The following GLRA3 variants were observed in gnomAD, a reference collection of about 807,000 sequenced individuals.
GLRA3 encodes the protein glycine receptor subunit alpha-3.
In GLRA3, 44 loss-of-function variants were observed where a neutral mutation model predicts 60.4. That is an observed-to-expected ratio of 0.73 (90% CI 0.57 to 0.94). The LOEUF (loss-of-function observed/expected upper bound fraction) is 0.94, where lower values mean the gene tolerates loss of function less well. Among genes scored for constraint, GLRA3 ranks in the 40% least tolerant of loss-of-function variants. GLRA3 has a pLI of 0.00. For synonymous variants in GLRA3, 223 were observed against 192.9 expected (o/e 1.16, Z -1.29); for missense variants, 508 against 564.6 (o/e 0.90, Z 1.02).
chr4:174,772,990 T>G (rs1031828236), intron 2 of GLRA3, among the ~76,000 whole-genome samples: 1 of 152,156 alleles, frequency 6.6e-6, no homozygotes, highest in Non-Finnish European at 1.5e-5. Context: ...GCAGCAATCT[T>G]GGAGTAGTCT....
chr4:174,701,210 A>C (rs908489073), intron 5 of GLRA3, among the ~76,000 whole-genome samples: 1 of 152,176 alleles, frequency 6.6e-6, no homozygotes, highest in Non-Finnish European at 1.5e-5. Context: ...AGTTGAAGCC[A>C]GTACTCATTC....
At chr4:174,808,384 C>T (rs1740131801) in intron 1 of GLRA3, among the ~76,000 whole-genome samples, 1 of 152,162 alleles carries the variant, frequency 6.6e-6, no homozygotes, top group South Asian at 2.1e-4. Context: ...CAATAGATTA[C>T]TCATGTGCTT....
At chr4:174,668,646 G>T (rs1733775691) in intron 7 of GLRA3, among the ~76,000 whole-genome samples, 1 of 152,104 alleles carries the variant, frequency 6.6e-6, no homozygotes, top group African/African-American at 2.4e-5. Context: ...AAATTTAAAT[G>T]TATTTATAAA....
At chr4:174,818,645 G>C (rs1454813195) in intron 1 of GLRA3, among the ~76,000 whole-genome samples, 1 of 152,136 alleles carries the variant, frequency 6.6e-6, no homozygotes, top group African/African-American at 2.4e-5. Flanking sequence ...CTTTTCAACT[G>C]TTTTAAGGTC....
At chr4:174,802,543 C>T (rs983331102) in intron 1 of GLRA3, among the ~76,000 whole-genome samples, 5 of 151,916 alleles carry the variant, frequency 3.3e-5, no homozygotes, top group East Asian at 1.9e-4. Context: ...TTATATAGAC[C>T]TCCAATTTTA....
intron 7 of GLRA3, among the ~76,000 whole-genome samples, chr4:174,662,844 T>C (rs925327315): frequency 1.3e-5 from 2 of 151,438 alleles, no homozygotes; most frequent in Non-Finnish European, 2.9e-5. Flanking sequence ...TTTCTTTTTT[T>C]TTTTTTCCTG....
At position 174,659,147 on chromosome 4, in the gene GLRA3, A is replaced by G; in HGVS notation, c.978T>C (p.Phe326=). ...CATACTCCAGAAGTGCTGAAAACAC[A>G]AAAAGGAGGCATACTGCCATCCAAA... ...IDIWMAVCLL[F]VFSALLEYAA... The change falls in exon 8 of 10, where the codon TTT becomes TTC. Residue 326 remains phenylalanine (F), a synonymous_variant. Coordinates refer to ENST00000274093, the MANE Select transcript of GLRA3 (RefSeq NM_006529.4). 6.2e-7 allele frequency: 1 copy of G among 1,611,670 alleles called. No homozygotes were observed.
At chr4:174,789,983 G>A (rs1739260954) in intron 1 of GLRA3, among the ~76,000 whole-genome samples, 1 of 152,148 alleles carries the variant, frequency 6.6e-6, no homozygotes, top group Non-Finnish European at 1.5e-5. Flanking sequence ...GAATTTTAGT[G>A]AGAAGTACAA....
chr4:174,767,011 T>G lies in GLRA3; in HGVS notation c.219A>C (p.Thr73=). ...CAAAGCTGTTGATGAATATGTTGCA[T>G]GTGACATTAACTGGAGGGCCTGAAA... ...PNFKGPPVNV[T]CNIFINSFGS... is the part of the protein sequence containing the mutation. Residue 73 remains threonine, a synonymous_variant, in exon 3 of 10, where the codon ACA becomes ACC. Coordinates refer to ENST00000274093, the MANE Select transcript of GLRA3 (RefSeq NM_006529.4). 6.2e-7 allele frequency: 1 copy of G among 1,600,446 alleles called. No individual in the cohort carries two copies. The highest frequency in any genetic ancestry group is 8.6e-7 in the Non-Finnish European group (1 of 1,168,398).
At chr4:174,737,739 T>C in intron 3 of GLRA3, among the ~76,000 whole-genome samples, 1 of 152,210 alleles carries the variant, frequency 6.6e-6, no homozygotes. Context: ...CTCGAACTCC[T>C]GACCTCATCA....
At chr4:174,799,708 T>C (rs1224080165) in intron 1 of GLRA3, among the ~76,000 whole-genome samples, 1 of 152,208 alleles carries the variant, frequency 6.6e-6, no homozygotes, top group Middle Eastern at 3.2e-3. Flanking sequence ...AATGCAATAC[T>C]AACCCCAGGT....
chr4:174,700,851 A>T (rs10004534), intron 5 of GLRA3, among the ~76,000 whole-genome samples: 27,165 of 152,148 alleles, frequency 0.18, 2,615 homozygotes, highest in East Asian at 0.33. Context: ...ACTCATCCAT[A>T]TTATGAAATC....
Position 174,643,197 on chromosome 4 carries a change from A to G in GLRA3, c.*589T>C. ...AGAGGAAAACTTAATATTCTAAACA[A>G]TTAAATTTAGTATTCCAAATCATTA... On this transcript the variant is annotated 3_prime_UTR_variant, in exon 10 of 10. Transcript: ENST00000274093. 3 of 797,384 alleles carry G rather than the reference A, an allele frequency of 3.8e-6. No individual in the cohort carries two copies. Among genetic ancestry groups the G allele is most frequent in the Non-Finnish European group, 4.5e-6 (3 of 659,346 alleles). The allele number at this position is 797,384 out of a possible 1,614,324, so 49.4% of individuals were successfully genotyped here.
rs181593623 is a variant in GLRA3 at position 174,677,344 on chromosome 4, C to T, written c.713-52G>A. 9.7e-5 allele frequency: 98 copies of T among 1,014,964 alleles called. No individual in the cohort carries two copies. The East Asian group carries it at 1.5e-3, about 16-fold the overall frequency. 62.9% of individuals were successfully genotyped at this position (1,014,964 alleles called of 1,614,324 possible). A position where few individuals can be genotyped will look rare whatever the true frequency, so the allele number is the denominator to read the frequency against. On this transcript the variant is annotated intron_variant, in intron 6 of 9. Coordinates refer to ENST00000274093, the MANE Select transcript of GLRA3 (RefSeq NM_006529.4). ...AATTAGTACAAATAGGTCTTTGTTA[C>T]GGCATCAAATATCACAATTTCTCTT...
At chr4:174,691,661 C>T (rs561596452) in intron 5 of GLRA3, among the ~76,000 whole-genome samples, 167 of 152,316 alleles carry the variant, frequency 1.1e-3, no homozygotes, top group Non-Finnish European at 1.9e-3. Flanking sequence ...CCCGAGGTGC[C>T]GGGATTGCAG....
chr4:174,735,104 G>A (rs755525455), intron 3 of GLRA3, among the ~76,000 whole-genome samples: 5 of 152,054 alleles, frequency 3.3e-5, no homozygotes, highest in Non-Finnish European at 7.4e-5. Context: ...TTCTGTCTTT[G>A]ATGCTCACTT....
In GLRA3 at chr4:174,702,037, T is replaced by C. The variant is rs1276143265; in HGVS notation, c.574+13451A>G. Among the ~76,000 whole-genome samples the C allele has an allele frequency of 4.6e-5, 7 of 152,210 alleles. 1 individual carries two copies. Among genetic ancestry groups the C allele is most frequent in the Non-Finnish European group, 4.4e-5 (3 of 68,042 alleles). On this transcript the variant is annotated intron_variant, in intron 5 of 9. Coordinates refer to ENST00000274093, the MANE Select transcript of GLRA3 (RefSeq NM_006529.4). ...CGGTGGCAGAGTTTCAGAGGATTGA[T>C]TCCAATTAGGAAAGTTCTACTGTTG... is the stretch of plus-strand genomic sequence containing the variant.
intron 2 of GLRA3, among the ~76,000 whole-genome samples, chr4:174,769,467 T>G (rs1459699413): frequency 6.6e-6 from 1 of 152,126 alleles, no homozygotes; most frequent in Non-Finnish European, 1.5e-5. Flanking sequence ...TCACATAGCT[T>G]TCTCCACATG....
chr4:174,745,710 T>C (rs1232916980), intron 3 of GLRA3, among the ~76,000 whole-genome samples: 1 of 151,574 alleles, frequency 6.6e-6, no homozygotes, highest in East Asian at 1.9e-4. Context: ...AGCTGCAGAA[T>C]GGGAGAAAAT....
Sources: gnomAD v4.1 joint callset for allele counts (sites outside exome capture counted in the v4.1 genomes callset) on GRCh38, gnomAD v4.1.1 for gene constraint, MANE v1.5 for transcripts, NCBI Gene and HGNC (gene_info 2026-07-23, HGNC 2026-07-21) for gene names.